ATAD3B: variants seen among roughly 807,000 people sequenced by gnomAD.
ATAD3B encodes ATPase family AAA domain-containing protein 3B.
ATAD3B carries 59 observed loss-of-function variants against 70.2 expected under a neutral mutation model. That is an observed-to-expected ratio of 0.84 (90% confidence interval 0.68 to 1.04). The LOEUF (loss-of-function observed/expected upper bound fraction) is 1.04, where lower values mean the gene tolerates loss of function less well. Ranked by LOEUF, ATAD3B falls within the 50% of genes least tolerant of loss-of-function variation. The pLI is 0.00. For synonymous variants in ATAD3B, 423 were observed against 388.6 expected, an observed-to-expected ratio of 1.09 and a Z score of -1.04; for missense variants, 961 against 913.4, an observed-to-expected ratio of 1.05 and a Z score of -0.67.
At chr1:1,472,902 C>A (rs1292624645) in intron 1 of ATAD3B, among the ~76,000 whole-genome samples, 9 of 151,744 alleles carry the variant, frequency 5.9e-5, no homozygotes, top group Admixed American at 6.6e-5. Flanking sequence ...GGTGCGATTT[C>A]GGCTCCCTGC....
At chr1:1,486,036 A>G in intron 9 of ATAD3B, 74 bp from the exon 10 acceptor site, 1 of 1,607,774 alleles carries the variant, frequency 6.2e-7, no homozygotes, top group Non-Finnish European at 8.5e-7. Flanking sequence ...GCACCCGGGC[A>G]TTCCCGCAGC....
chr1:1,477,465 G>A (rs1229500580), intron 2 of ATAD3B, 115 bp downstream of exon 2: 15 of 1,525,198 alleles, frequency 9.8e-6, no homozygotes, highest in Non-Finnish European at 1.3e-5. Flanking sequence ...GGCAGCAGTG[G>A]GGCCAGGGCC....
chr1:1,485,927 C>G, intron 9 of ATAD3B, 89 bp downstream of exon 9: 1 of 1,604,414 alleles, frequency 6.2e-7, no homozygotes, highest in East Asian at 2.2e-5. Flanking sequence ...CTCGTGGTGG[C>G]GCCCAGGAGC....
Position 1,487,915 on chromosome 1 carries a change from G to A in ATAD3B, c.1266+1G>A. 2 of 1,613,126 alleles carry A rather than the reference G, an allele frequency of 1.2e-6. No individual in the cohort carries two copies. The highest frequency in any genetic ancestry group is 2.7e-5 in the African/African-American group (2 of 75,038). On this transcript the variant is annotated splice_donor_variant, in intron 12 of 15. Coordinates refer to ENST00000673477, the MANE Select transcript of ATAD3B (RefSeq NM_031921.6). LOFTEE classifies it high-confidence loss of function. ...CGCCTTCCTTCGGAAGCGAGCCACT[G>A]TGAGTGTCACTAAGCCTCTGTCTGG...
At chr1:1,500,906 G>A (rs1383611257), downstream of ATAD3B, among the ~76,000 whole-genome samples, 4 of 152,078 alleles carry the variant, frequency 2.6e-5, no homozygotes, top group East Asian at 2.0e-4. Flanking sequence ...ACAGTGAGCC[G>A]AGATTGCGGC....
At chr1:1,473,402 C>A (rs1193370043) in intron 1 of ATAD3B, among the ~76,000 whole-genome samples, 1 of 151,656 alleles carries the variant, frequency 6.6e-6, no homozygotes, top group Non-Finnish European at 1.5e-5. Flanking sequence ...GACGGGGTTT[C>A]ACTGTATTAG....
At chr1:1,498,574 C>G (rs1000882515), downstream of ATAD3B, among the ~76,000 whole-genome samples, 3 of 151,796 alleles carry the variant, frequency 2.0e-5, no homozygotes, top group Non-Finnish European at 4.4e-5. Context: ...GGTTTTTCTC[C>G]TCTCCTATTT....
chr1:1,473,360 C>G (rs1478523021), intron 1 of ATAD3B, among the ~76,000 whole-genome samples: 1 of 150,532 alleles, frequency 6.6e-6, no homozygotes, highest in Non-Finnish European at 1.5e-5. Flanking sequence ...GATCTCCTGA[C>G]CTCGTGATTA....
intron 8 of ATAD3B, 84 bp downstream of exon 8, chr1:1,485,255 C>T (rs1557805638): frequency 6.5e-7 from 1 of 1,542,722 alleles, no homozygotes; most frequent in Non-Finnish European, 8.8e-7. Context: ...CGCACACCCT[C>T]CCGTCCCTTC....
chr1:1,476,362 C>G (rs1225071491), intron 1 of ATAD3B, among the ~76,000 whole-genome samples: 1 of 150,272 alleles, frequency 6.7e-6, no homozygotes, highest in South Asian at 2.1e-4. Flanking sequence ...AGAACAGACG[C>G]TGGGCTCTAG....
downstream of ATAD3B, among the ~76,000 whole-genome samples, chr1:1,499,961 G>A (rs528730886): frequency 1.4e-3 from 195 of 140,688 alleles, 3 homozygotes; most frequent in African/African-American, 4.6e-3. Flanking sequence ...CCAGTGGCAC[G>A]ATCTTGTCTC....
chr1:1,503,429 C>T, the ATAD3B span: 3 of 695,566 alleles, frequency 4.3e-6, no homozygotes, highest in East Asian at 8.5e-5. Context: ...ATCGTCACGC[C>T]AGGTCTGACT....
rs373709131 is a variant in ATAD3B at position 1,495,614 on chromosome 1, G to A, written c.1744G>A (p.Glu582Lys). The A allele has an allele frequency of 8.7e-6, 14 of 1,613,012 alleles. No individual in the cohort carries two copies. Among genetic ancestry groups the A allele is most frequent in the Non-Finnish European group, 9.3e-6 (11 of 1,179,458 alleles). ...LKAEGPGRGV[E>K]HPLSGVQGET... is the part of the protein sequence containing the mutation. ...GGCGGAGGGGCCTGGGCGCGGGGTC[G>A]AGCACCCCCTATCCGGAGTCCAAGG... Residue 582 changes from glutamate (E) to lysine (K), a missense_variant, in exon 16 of 16, where the codon GAG becomes AAG. Coordinates refer to ENST00000673477, the MANE Select transcript of ATAD3B (RefSeq NM_031921.6).
chr1:1,482,794 A>G, intron 7 of ATAD3B, 180 bp downstream of exon 7: 1 of 995,936 alleles, frequency 1.0e-6, no homozygotes, highest in Non-Finnish European at 1.5e-6. Flanking sequence ...CTGGGAGAAA[A>G]AAATGCAGTT....
At chr1:1,509,341 C>G in the ATAD3B span, 1 of 1,611,322 alleles carries the variant, frequency 6.2e-7, no homozygotes, top group Non-Finnish European at 8.5e-7. Context: ...GACGAGCAAC[C>G]CTCATCCTGA....
At chr1:1,492,427 G>A (rs150550828) in intron 15 of ATAD3B, among the ~76,000 whole-genome samples, 104 of 151,290 alleles carry the variant, frequency 6.9e-4, no homozygotes, top group African/African-American at 3.6e-4. Flanking sequence ...CAGAGGATGC[G>A]GTGAGCTGAG....
intron 7 of ATAD3B, chr1:1,482,948 C>T: frequency 2.0e-6 from 1 of 492,520 alleles, no homozygotes; most frequent in South Asian, 1.6e-5. Context: ...CTGCAGTGAG[C>T]CAACATTGCA....
At chr1:1,499,291 T>G (rs1640890365), downstream of ATAD3B, among the ~76,000 whole-genome samples, 1 of 147,738 alleles carries the variant, frequency 6.8e-6, no homozygotes, top group African/African-American at 2.5e-5. Flanking sequence ...TTTTTTTTTT[T>G]TTTTTTTTGG....
intron 1 of ATAD3B, among the ~76,000 whole-genome samples, chr1:1,476,534 G>T (rs550192237): frequency 1.3e-5 from 2 of 150,584 alleles, no homozygotes; most frequent in Admixed American, 1.3e-4. Flanking sequence ...TTTTTGAGAC[G>T]GACTCTTGCT....
Sources: allele counts gnomAD v4.1 joint callset (sites outside exome capture counted in the v4.1 genomes callset), GRCh38; gene constraint gnomAD v4.1.1; transcripts MANE v1.5; gene names NCBI Gene and HGNC (gene_info 2026-07-23, HGNC 2026-07-21).